NAA16: variants seen among roughly 807,000 people sequenced by gnomAD.
NAA16 encodes NARG1-like protein.
Under a neutral mutation model 110.3 loss-of-function variants are expected in NAA16, and 97 were observed. The observed-to-expected ratio is 0.88, with a 90% confidence interval of 0.75 to 1.04. NAA16 has a LOEUF of 1.04. Ranked by LOEUF, NAA16 falls within the 50% of genes least tolerant of loss-of-function variation. The pLI, the probability that NAA16 is intolerant of heterozygous loss-of-function variation, is 0.00. For synonymous variants in NAA16, 372 were observed against 330.6 expected, an observed-to-expected ratio of 1.13 and a Z score of -1.36; for missense variants, 1,017 against 1,005.1, an observed-to-expected ratio of 1.01 and a Z score of -0.16.
chr13:41,328,807 TG>T lies in NAA16; in HGVS notation c.776del (p.Cys259PhefsTer15), dbSNP rs1167496742. The T allele has an allele frequency of 1.2e-5, 19 of 1,605,038 alleles. No individual in the cohort carries two copies. The highest frequency in any genetic ancestry group is 1.7e-5 in the Admixed American group (1 of 59,906). ...GATTGATCGAAATGCAGAAAATTGGTGTTATTATGAAGGCTTGGAAAAAGCT... is the reference window on the plus strand; with the variant it reads ...GATTGATCGAAATGCAGAAAATTGGTTTATTATGAAGGCTTGGAAAAAGCT... ...NLIDRNAENW[C>X]YYEGLEKALQ... On this transcript the variant is annotated frameshift_variant, in exon 7 of 20. Transcript: ENST00000379406. LOFTEE classifies it high-confidence loss of function.
intron 12 of NAA16, among the ~76,000 whole-genome samples, chr13:41,360,129 C>T (rs1451718540): frequency 6.6e-6 from 1 of 152,072 alleles, no homozygotes; most frequent in African/African-American, 2.4e-5. Context: ...GAGAAAAGTA[C>T]CACATGGAAG....
chr13:41,370,086 A>C (rs1411130183), intron 15 of NAA16, among the ~76,000 whole-genome samples: 1 of 152,250 alleles, frequency 6.6e-6, no homozygotes, highest in African/African-American at 2.4e-5. Context: ...TTTTGGGATC[A>C]GATTTAAGGA....
At position 41,328,096 on chromosome 13, in the gene NAA16, GT is replaced by G. The variant is rs751746535; in HGVS notation, c.692-625del. 1.7e-4 allele frequency: 26 copies of G among 152,060 alleles called. No homozygotes were observed. In the East Asian group the frequency reaches 4.1e-3, roughly 24 times the overall value. 9.4% of individuals were successfully genotyped at this position (152,060 alleles called of 1,614,324 possible). Reference sequence around the variant, plus strand: ...CTCCCCTTTATCTTGGATTAGGTGTGTTTCCATCGTATTTGAGAGGTCTGGG... The same window carrying G: ...CTCCCCTTTATCTTGGATTAGGTGTGTTCCATCGTATTTGAGAGGTCTGGG... On this transcript the variant is annotated intron_variant, in intron 6 of 19. Transcript: ENST00000379406.
At chr13:41,330,441 T>G (rs1376013989) in intron 7 of NAA16, among the ~76,000 whole-genome samples, 1 of 152,048 alleles carries the variant, frequency 6.6e-6, no homozygotes, top group Non-Finnish European at 1.5e-5. Context: ...TTTCTGTGGT[T>G]TAGACCACAG....
intron 3 of NAA16, 33 bp from the exon 4 acceptor site, chr13:41,320,634 T>A: frequency 1.3e-6 from 2 of 1,541,374 alleles, no homozygotes; most frequent in Non-Finnish European, 1.7e-6. Context: ...TATTCTAGTG[T>A]CTGTGTATGT....
rs1351968246 is a variant in NAA16, at chr13:41,320,694, G to A, written c.272G>A (p.Arg91His). The change falls in exon 4 of 20, where the codon CGT (arginine) becomes CAT (histidine). Residue 91 changes from arginine (R) to histidine (H), a missense_variant. Physicochemically the swap from Arg to His is conservative, Grantham distance 29. Transcript: ENST00000379406. ...VCWHVYGLLQ[R>H]SDKKYDEAIK... Reference sequence around the variant, plus strand: ...TGGCATGTATATGGACTCTTGCAGCGTTCTGATAAAAAATATGATGAAGCT... The same window carrying A: ...TGGCATGTATATGGACTCTTGCAGCATTCTGATAAAAAATATGATGAAGCT... The A allele has an allele frequency of 6.2e-6, 10 of 1,611,494 alleles. No individual in the cohort carries two copies. Among genetic ancestry groups the A allele is most frequent in the Non-Finnish European group, 8.5e-6 (10 of 1,179,478 alleles).
At chr13:41,342,132 T>C (rs2042566922) in intron 9 of NAA16, among the ~76,000 whole-genome samples, 3 of 139,634 alleles carry the variant, frequency 2.1e-5, no homozygotes, top group Admixed American at 1.5e-4. Context: ...GCACCGGGCC[T>C]CTCTCTCTCT....
intron 1 of NAA16, among the ~76,000 whole-genome samples, chr13:41,313,619 AG>A (rs1381947121): frequency 6.6e-6 from 1 of 152,184 alleles, no homozygotes; most frequent in East Asian, 1.9e-4. Context: ...CAAACTGACC[AG>A]CTGGTTTTTT....
intron 1 of NAA16, among the ~76,000 whole-genome samples, chr13:41,314,558 A>C (rs75157382): frequency 1.3e-5 from 2 of 152,154 alleles, no homozygotes; most frequent in Non-Finnish European, 2.9e-5. Flanking sequence ...AGACTTTTCT[A>C]ATTCCTTCCA....
chr13:41,341,497 G>A (rs913697608), intron 9 of NAA16, among the ~76,000 whole-genome samples: 4 of 151,622 alleles, frequency 2.6e-5, no homozygotes, highest in Non-Finnish European at 2.9e-5. Context: ...TGGGAGGATC[G>A]CTTGAGATCA....
At chr13:41,364,489 G>C (rs1593521775) in intron 13 of NAA16, among the ~76,000 whole-genome samples, 1 of 152,032 alleles carries the variant, frequency 6.6e-6, no homozygotes, top group Non-Finnish European at 1.5e-5. Context: ...AAAACAAACA[G>C]AACAACCTTC....
At chr13:41,360,644 G>A (rs2043093988) in intron 12 of NAA16, among the ~76,000 whole-genome samples, 1 of 152,164 alleles carries the variant, frequency 6.6e-6, no homozygotes, top group African/African-American at 2.4e-5. Flanking sequence ...ATGCACACTA[G>A]TTTGTTGGCC....
In NAA16 at chr13:41,375,703, GT is replaced by G; in HGVS notation, c.*103del. On this transcript the variant is annotated 3_prime_UTR_variant, in exon 20 of 20. Transcript: ENST00000379406. The stretch of plus-strand genomic sequence containing the variant: ...ATATACGTATGAAATGAAATATTTG[GT>G]TAGGATTTTTAAATGGCATATTCTG... The G allele has an allele frequency of 1.1e-6, 1 of 904,418 alleles. No individual in the cohort carries two copies. The highest frequency in any genetic ancestry group is 1.6e-6 in the Non-Finnish European group (1 of 612,692). 56.0% of individuals were successfully genotyped at this position (904,418 alleles called of 1,614,324 possible).
intron 9 of NAA16, among the ~76,000 whole-genome samples, chr13:41,346,391 G>A (rs1254113975): frequency 1.3e-5 from 2 of 152,166 alleles, no homozygotes; most frequent in Non-Finnish European, 2.9e-5. Flanking sequence ...TTATTCAGGT[G>A]CAGCCACAAT....
At chr13:41,364,557 T>C (rs1320611577) in intron 13 of NAA16, among the ~76,000 whole-genome samples, 1 of 152,180 alleles carries the variant, frequency 6.6e-6, no homozygotes, top group African/African-American at 2.4e-5. Flanking sequence ...ATTTTATCTT[T>C]CAAGAATTGA....
At chr13:41,362,490 C>T (rs1335491814) in intron 13 of NAA16, 1 of 352,616 alleles carries the variant, frequency 2.8e-6, no homozygotes, top group Non-Finnish European at 5.4e-6. Flanking sequence ...GGACACACAG[C>T]TGATGGCAAC....
intron 17 of NAA16, 109 bp from the exon 18 acceptor site, chr13:41,373,528 G>C: frequency 7.6e-7 from 1 of 1,316,064 alleles, no homozygotes; most frequent in South Asian, 1.6e-5. Flanking sequence ...AAAGTGCTGG[G>C]ATTACAGGCG....
At position 41,348,687 on chromosome 13, in the gene NAA16, T is replaced by TG. The variant is rs576696349; in HGVS notation, c.1015-6450dup. 4.3e-4 allele frequency among the ~76,000 whole-genome samples: 65 copies of TG among 152,168 alleles called. No individual in the cohort carries two copies. The East Asian group carries it at 5.2e-3, about 12-fold the overall frequency. On this transcript the variant is annotated intron_variant, in intron 9 of 19. Coordinates refer to ENST00000379406, the MANE Select transcript of NAA16 (RefSeq NM_024561.5). ...TGGGAAATGTTCTCTCCTCTTTTTTTGGGGGGGCGGGAAGAGTTTGTGAAG... is the reference window on the plus strand; with the variant it reads ...TGGGAAATGTTCTCTCCTCTTTTTTTGGGGGGGGCGGGAAGAGTTTGTGAAG...
At chr13:41,350,695 A>G (rs920763534) in intron 9 of NAA16, among the ~76,000 whole-genome samples, 6 of 137,954 alleles carry the variant, frequency 4.3e-5, no homozygotes, top group African/African-American at 1.6e-4. Flanking sequence ...ATCTTGGTTC[A>G]CTGCAATCTC....
Sources: allele counts gnomAD v4.1 joint callset (sites outside exome capture counted in the v4.1 genomes callset), GRCh38; gene constraint gnomAD v4.1.1; transcripts MANE v1.5; gene names NCBI Gene and HGNC (gene_info 2026-07-23, HGNC 2026-07-21).